Variants in UNC5C observed in about 807,000 individuals in gnomAD.
UNC5C encodes netrin receptor UNC5C.
UNC5C carries 47 observed loss-of-function variants against 99.8 expected under a neutral mutation model. The observed-to-expected ratio is 0.47, with a 90% confidence interval of 0.37 to 0.60. UNC5C has a LOEUF of 0.60. Ranked by LOEUF, UNC5C falls within the 20% of genes least tolerant of loss-of-function variation. The pLI is 0.00. For synonymous variants in UNC5C, 487 were observed against 452.2 expected, an observed-to-expected ratio of 1.08 and a Z score of -0.98; for missense variants, 1,062 against 1,165.9, an observed-to-expected ratio of 0.91 and a Z score of 1.30.
chr4:95,195,841 T>C (rs1737358263), intron 12 of UNC5C, among the ~76,000 whole-genome samples: 1 of 152,058 alleles, frequency 6.6e-6, no homozygotes, highest in Admixed American at 6.6e-5. Context: ...TCTATTACAG[T>C]TGGGATTAGG....
intron 1 of UNC5C, among the ~76,000 whole-genome samples, chr4:95,337,823 CCA>C (rs1428251283): frequency 1.3e-5 from 2 of 151,896 alleles, no homozygotes; most frequent in Non-Finnish European, 2.9e-5. Flanking sequence ...TTTAATAAAT[CCA>C]GTTTTTCTTT....
At chr4:95,548,677 A>T in intron 1 of UNC5C, 57 bp downstream of exon 1, 6 of 1,580,374 alleles carry the variant, frequency 3.8e-6, no homozygotes, top group Non-Finnish European at 5.2e-6. Context: ...GGAGGAGAGG[A>T]AGGAGGGAAG....
intron 1 of UNC5C, among the ~76,000 whole-genome samples, chr4:95,377,885 A>G (rs1282115378): frequency 1.3e-5 from 2 of 152,174 alleles, no homozygotes; most frequent in Non-Finnish European, 2.9e-5. Context: ...GCTAGTTTCC[A>G]TATGTTCGCG....
chr4:95,349,977 A>T (rs1042718512), intron 1 of UNC5C, among the ~76,000 whole-genome samples: 2 of 152,238 alleles, frequency 1.3e-5, no homozygotes, highest in Middle Eastern at 6.8e-3. Flanking sequence ...ATTTCAATGA[A>T]ATCTTTTTAC....
intron 1 of UNC5C, among the ~76,000 whole-genome samples, chr4:95,449,887 C>A (rs1305946812): frequency 6.6e-6 from 1 of 152,108 alleles, no homozygotes; most frequent in Non-Finnish European, 1.5e-5. Context: ...AATATTGGAG[C>A]ATTTGTCAAA....
chr4:95,536,377 C>A (rs1722783607), intron 1 of UNC5C, among the ~76,000 whole-genome samples: 1 of 152,044 alleles, frequency 6.6e-6, no homozygotes, highest in Non-Finnish European at 1.5e-5. Flanking sequence ...CGCCCAGCCA[C>A]TCAATATATT....
At chr4:95,213,618 T>C (rs1370750183) in intron 10 of UNC5C, among the ~76,000 whole-genome samples, 1 of 152,104 alleles carries the variant, frequency 6.6e-6, no homozygotes, top group East Asian at 1.9e-4. Context: ...CTTCAGACAA[T>C]TCACATCCGC....
At chr4:95,320,433 AAAAAAGAAAAG>A (rs1284217656) in intron 2 of UNC5C, among the ~76,000 whole-genome samples, 1 of 147,496 alleles carries the variant, frequency 6.8e-6, no homozygotes, top group Non-Finnish European at 1.5e-5. Context: ...AAAAAAAAAA[AAAAAAGAAAAG>A]AAAAGAAAAG....
intron 1 of UNC5C, among the ~76,000 whole-genome samples, chr4:95,457,684 AAG>A (rs1386357521): frequency 2.6e-5 from 4 of 152,080 alleles, no homozygotes; most frequent in Non-Finnish European, 4.4e-5. Flanking sequence ...GAGAGAGAGA[AAG>A]AGAGAGAGAG....
In UNC5C at chr4:95,218,987, G is replaced by A. The variant is rs753980631; in HGVS notation, c.1627C>T (p.Leu543Phe). ...GAATTACCTGAATTGGGAACAATAA[G>A]GTGACCTCCCAGCGAGTTGAAGCTG... is the stretch of plus-strand genomic sequence containing the variant. The part of the protein sequence containing the change: ...FGSFNSLGGH[L>F]IVPNSGVSLL... The change falls in exon 9 of 16, where the codon CTT (leucine) becomes TTT (phenylalanine). Residue 543 changes from leucine to phenylalanine, a missense_variant. Transcript: ENST00000453304. The A allele has an allele frequency of 6.2e-6, 10 of 1,609,234 alleles. No homozygotes were observed. The highest frequency in any genetic ancestry group is 8.5e-6 in the Non-Finnish European group (10 of 1,176,606).
chr4:95,484,833 T>C (rs148341238), intron 1 of UNC5C, among the ~76,000 whole-genome samples: 1 of 151,952 alleles, frequency 6.6e-6, no homozygotes, highest in East Asian at 2.0e-4. Flanking sequence ...GGACCAAGGT[T>C]AAAGTAGTGA....
chr4:95,379,217 T>C (rs1214976366), intron 1 of UNC5C, among the ~76,000 whole-genome samples: 1 of 152,186 alleles, frequency 6.6e-6, no homozygotes, highest in African/African-American at 2.4e-5. Context: ...TAACGTACTT[T>C]ACATTTCAAA....
chr4:95,246,337 G>C (rs1440245436), intron 5 of UNC5C, among the ~76,000 whole-genome samples: 1 of 151,932 alleles, frequency 6.6e-6, no homozygotes, highest in Non-Finnish European at 1.5e-5. Context: ...AGAGAGTATT[G>C]CTTGAGACCA....
At chr4:95,216,042 G>T in intron 10 of UNC5C, 82 bp downstream of exon 10, 1 of 1,196,070 alleles carries the variant, frequency 8.4e-7, no homozygotes, top group Non-Finnish European at 1.2e-6. Context: ...ACAAAAATAT[G>T]TTGGGTTTAT....
chr4:95,471,189 A>C (rs1747957313), intron 1 of UNC5C, among the ~76,000 whole-genome samples: 1 of 152,074 alleles, frequency 6.6e-6, no homozygotes, highest in African/African-American at 2.4e-5. Flanking sequence ...AAGTAGAAAA[A>C]ATGATTTTCC....
chr4:95,282,373 T>A (rs1002815560), intron 3 of UNC5C, among the ~76,000 whole-genome samples: 1 of 152,106 alleles, frequency 6.6e-6, no homozygotes, highest in Non-Finnish European at 1.5e-5. Flanking sequence ...CAAGTTGTGA[T>A]GAGGAGTGGC....
At chr4:95,223,108 G>A (rs114349921) in intron 7 of UNC5C, among the ~76,000 whole-genome samples, 4,341 of 152,152 alleles carry the variant, frequency 0.029, 81 homozygotes, top group South Asian at 0.071. Flanking sequence ...ATGCAATATG[G>A]ATAATGATAA....
At chr4:95,310,122 T>C (rs1436850910) in intron 2 of UNC5C, among the ~76,000 whole-genome samples, 2 of 151,976 alleles carry the variant, frequency 1.3e-5, no homozygotes, top group African/African-American at 4.8e-5. Flanking sequence ...ACAAAGGAAA[T>C]ATTTTGATTT....
rs146384591 is a variant in UNC5C at position 95,401,031 on chromosome 4, T to C, written c.125-65400A>G. On this transcript the variant is annotated intron_variant, in intron 1 of 15. Coordinates refer to ENST00000453304, the MANE Select transcript of UNC5C (RefSeq NM_003728.4). ...TCTTTTATTTTAACGACTGAGTTTT[T>C]GGATGTTAAGGTATTCTCTTTTTAT... 8.9e-3 allele frequency among the ~76,000 whole-genome samples: 1,354 copies of C among 152,338 alleles called. 19 individuals carry two copies. Among genetic ancestry groups the C allele is most frequent in the African/African-American group, 0.031 (1,289 of 41,584 alleles).
Sources: gnomAD v4.1 joint callset for allele counts (sites outside exome capture counted in the v4.1 genomes callset) on GRCh38, gnomAD v4.1.1 for gene constraint, MANE v1.5 for transcripts, NCBI Gene and HGNC (gene_info 2026-07-23, HGNC 2026-07-21) for gene names.